SLC5A8: variants seen among roughly 807,000 people sequenced by gnomAD.
The protein encoded by SLC5A8 is solute carrier family 5 member 8.
In SLC5A8, 55 loss-of-function variants were observed where a neutral mutation model predicts 71.9. The observed-to-expected ratio is 0.77, with a 90% CI of 0.62 to 0.96. The LOEUF is 0.96. Among genes scored for constraint, SLC5A8 ranks in the 40% least tolerant of loss-of-function variants. The pLI is 0.00. For synonymous variants in SLC5A8, 307 were observed against 276.1 expected (o/e 1.11, Z -1.11); for missense variants, 701 against 745.3 (o/e 0.94, Z 0.69).
rs896679487 is a variant in SLC5A8, at chr12:101,161,390, G to A, written c.1630+584C>T. Among the ~76,000 whole-genome samples the A allele has an allele frequency of 2.6e-5, 4 of 151,888 alleles. No homozygotes were observed. The South Asian group carries it at 6.2e-4, about 24-fold the overall frequency. ...GACAAAATGGAGTCCCAAGATAACC[G>A]TTCTATAGCAATCCCAGAGAGCAAT... On this transcript the variant is annotated intron_variant, in intron 13 of 14. Coordinates refer to ENST00000536262, the MANE Select transcript of SLC5A8 (RefSeq NM_145913.5).
intron 10 of SLC5A8, among the ~76,000 whole-genome samples, chr12:101,172,807 G>T (rs1165107638): frequency 6.6e-6 from 1 of 152,138 alleles, no homozygotes; most frequent in Non-Finnish European, 1.5e-5. Context: ...TTAACTTCAG[G>T]GACTGTGGCC....
intron 12 of SLC5A8, among the ~76,000 whole-genome samples, chr12:101,165,730 T>C (rs564299979): frequency 6.6e-6 from 1 of 152,296 alleles, no homozygotes; most frequent in East Asian, 1.9e-4. Flanking sequence ...GGGTATGCCG[T>C]GTCTTGACCC....
Position 101,169,352 on chromosome 12 carries a change from T to C in SLC5A8, c.1234-1170A>G, listed in dbSNP as rs1264074149. 3.3e-5 allele frequency among the ~76,000 whole-genome samples: 5 copies of C among 152,256 alleles called. No homozygotes were observed. In the South Asian group the frequency reaches 6.2e-4, roughly 19 times the overall value. On this transcript the variant is annotated intron_variant, in intron 10 of 14. Coordinates refer to ENST00000536262, the MANE Select transcript of SLC5A8 (RefSeq NM_145913.5). ...GTATATAATCAGGCCATAGCTGATA[T>C]ATGGAAAAAGGGGAATCAACCACAA...
chr12:101,203,909 A>G (rs1277900897), intron 2 of SLC5A8, among the ~76,000 whole-genome samples: 1 of 151,358 alleles, frequency 6.6e-6, no homozygotes, highest in Admixed American at 6.6e-5. Context: ...ATGTTCTTGA[A>G]TTACTGGATT....
At chr12:101,205,146 T>C (rs939906843) in intron 1 of SLC5A8, among the ~76,000 whole-genome samples, 6 of 152,136 alleles carry the variant, frequency 3.9e-5, no homozygotes, top group Non-Finnish European at 7.4e-5. Context: ...TTTCCTTCCA[T>C]TGGGTATTTG....
chr12:101,208,589 C>T (rs546105584), intron 1 of SLC5A8, among the ~76,000 whole-genome samples: 1 of 152,288 alleles, frequency 6.6e-6, no homozygotes, highest in Admixed American at 6.5e-5. Flanking sequence ...TTTTCAAAGC[C>T]CTTTCTTGCA....
intron 10 of SLC5A8, among the ~76,000 whole-genome samples, chr12:101,172,380 A>G (rs1399232): frequency 0.28 from 42,794 of 152,040 alleles, 6,560 homozygotes; most frequent in East Asian, 0.55. Flanking sequence ...GATGGGTGGT[A>G]GGTCAGTGGG....
chr12:101,189,434 A>G (rs2137154112), intron 6 of SLC5A8, among the ~76,000 whole-genome samples: 1 of 152,212 alleles, frequency 6.6e-6, no homozygotes, highest in South Asian at 2.1e-4. Flanking sequence ...CAATATTTTC[A>G]TTTTCTCCTT....
In SLC5A8 at chr12:101,182,915, G is replaced by A. The variant is rs960385856; in HGVS notation, c.1053C>T (p.Ser351=). ...FVACAYSGTL[S]TVSSSINALA... ...AGGCATTAATACTGGAGGACACTGT[G>A]CTGTAAGGGAAAATAAAACTTTTGA... The change falls in exon 9 of 15, where the codon AGC becomes AGT. Residue 351 remains serine (S), a splice_region_variant and synonymous_variant. Coordinates refer to ENST00000536262, the MANE Select transcript of SLC5A8 (RefSeq NM_145913.5). The A allele has an allele frequency of 6.6e-7, 1 of 1,506,214 alleles. No individual in the cohort carries two copies. Among genetic ancestry groups the A allele is most frequent in the Non-Finnish European group, 8.8e-7 (1 of 1,130,140 alleles). 93.3% of individuals were successfully genotyped at this position (1,506,214 alleles called of 1,614,324 possible). A position where few individuals can be genotyped will look rare whatever the true frequency, so the allele number is the denominator to read the frequency against.
intron 14 of SLC5A8, 136 bp downstream of exon 14, chr12:101,158,113 A>G (rs2051684272): frequency 3.0e-6 from 2 of 675,540 alleles, no homozygotes; most frequent in Non-Finnish European, 2.6e-6. Context: ...TCCAACATAT[A>G]TAGATCATCA....
intron 10 of SLC5A8, among the ~76,000 whole-genome samples, chr12:101,176,392 T>C (rs1270994579): frequency 2.6e-5 from 4 of 152,044 alleles, no homozygotes; most frequent in Non-Finnish European, 4.4e-5. Flanking sequence ...CTCTCAACAA[T>C]TGATAAAACA....
Position 101,162,146 on chromosome 12 carries a change from G to T in SLC5A8, c.1527-69C>A, listed in dbSNP as rs546740190. On this transcript the variant is annotated intron_variant, in intron 12 of 14. Coordinates refer to ENST00000536262, the MANE Select transcript of SLC5A8 (RefSeq NM_145913.5). ...CTAGCAACTACCAGTATATACCAGT[G>T]ATTCCCATGGCAAGGTCAAAATATA... 29 of 966,878 alleles carry T rather than the reference G, an allele frequency of 3.0e-5. No individual in the cohort carries two copies. In the African/African-American group the frequency reaches 3.2e-4, roughly 11 times the overall value. The allele number at this position is 966,878 out of a possible 1,614,324, so 59.9% of individuals were successfully genotyped here.
intron 10 of SLC5A8, among the ~76,000 whole-genome samples, chr12:101,171,615 G>A (rs1399906324): frequency 6.6e-6 from 1 of 152,182 alleles, no homozygotes; most frequent in Non-Finnish European, 1.5e-5. Flanking sequence ...GGGAGATCAT[G>A]AGAATGGGGT....
At position 101,200,700 on chromosome 12, in the gene SLC5A8, A is replaced by G. The variant is rs747658348; in HGVS notation, c.469+1464T>C. 9.9e-5 allele frequency among the ~76,000 whole-genome samples: 15 copies of G among 152,278 alleles called. No homozygotes were observed. The East Asian group carries it at 1.3e-3, about 14-fold the overall frequency. On this transcript the variant is annotated intron_variant, in intron 3 of 14. Transcript: ENST00000536262. ...TACTGAAATACAGATGAAATGACAT[A>G]ACATATTTGCAGCAAAATAATCTAT...
At chr12:101,185,227 A>G (rs926393660) in intron 7 of SLC5A8, among the ~76,000 whole-genome samples, 5 of 152,226 alleles carry the variant, frequency 3.3e-5, no homozygotes, top group African/African-American at 4.8e-5. Flanking sequence ...TTATTCTCAG[A>G]AAAACGGAAT....
intron 1 of SLC5A8, among the ~76,000 whole-genome samples, chr12:101,206,456 T>G (rs1869682754): frequency 6.6e-6 from 1 of 152,218 alleles, no homozygotes; most frequent in African/African-American, 2.4e-5. Context: ...TGAACCAAAC[T>G]GAAGCAAGTA....
chr12:101,181,216 T>C (rs1331861791), intron 9 of SLC5A8, among the ~76,000 whole-genome samples: 2 of 152,204 alleles, frequency 1.3e-5, no homozygotes, highest in East Asian at 3.8e-4. Flanking sequence ...TTTAAATTGA[T>C]TTTTTTGAAG....
chr12:101,205,226 G>A (rs534641478), intron 1 of SLC5A8, among the ~76,000 whole-genome samples: 8 of 152,270 alleles, frequency 5.3e-5, no homozygotes, highest in South Asian at 2.1e-4. Flanking sequence ...AGGCTGCCCC[G>A]GTTTCTGTCC....
At chr12:101,203,231 C>T (rs981197484) in intron 2 of SLC5A8, among the ~76,000 whole-genome samples, 1 of 152,200 alleles carries the variant, frequency 6.6e-6, no homozygotes, top group South Asian at 2.1e-4. Flanking sequence ...TTTTACACTG[C>T]AGTTGTTAAG....
Sources: gnomAD v4.1 joint callset for allele counts (sites outside exome capture counted in the v4.1 genomes callset) on GRCh38, gnomAD v4.1.1 for gene constraint, MANE v1.5 for transcripts, NCBI Gene and HGNC (gene_info 2026-07-23, HGNC 2026-07-21) for gene names.